P2RY8: variants seen among roughly 807,000 people sequenced by gnomAD.
P2RY8 encodes the protein P2Y receptor family member 8, also known as S-geranylgeranyl-glutathione receptor P2RY8.
Under a neutral mutation model 10.0 loss-of-function variants are expected in P2RY8, and 6 were observed. That is an observed-to-expected ratio of 0.60 (90% CI 0.33 to 1.19). The LOEUF (loss-of-function observed/expected upper bound fraction) is 1.19. P2RY8 is among the 50% of genes most tolerant of loss of function. The probability of loss-of-function intolerance (pLI) is 0.04; values close to 1 mark genes in which losing one functional copy is unlikely to be tolerated. For synonymous variants in P2RY8, 276 were observed against 252.5 expected, an observed-to-expected ratio of 1.09 and a Z score of -0.88; for missense variants, 456 against 542.0, an observed-to-expected ratio of 0.84 and a Z score of 1.58.
chrX:1,483,481 A>G (rs2091957610), intron 1 of P2RY8, among the ~76,000 whole-genome samples: 1 of 152,028 alleles, frequency 6.6e-6, no homozygotes, highest in South Asian at 2.1e-4. Flanking sequence ...CTAAAAATAC[A>G]AAATTAGCCA....
chrX:1,462,665 C>G lies in P2RY8; in HGVS notation c.*2814G>C, dbSNP rs2091599424. On this transcript the variant is annotated 3_prime_UTR_variant, in exon 2 of 2. Transcript: ENST00000381297. The stretch of plus-strand genomic sequence containing the variant: ...TTCTCACTGTGTTGCCTAGGTTGGC[C>G]CTTGAACACCCGGACTCAATCAGTC... 1 of 232,728 alleles carries G rather than the reference C, an allele frequency of 4.3e-6. No individual in the cohort carries two copies. 14.4% of individuals were successfully genotyped at this position (232,728 alleles called of 1,614,324 possible).
rs2091678147 is a variant in P2RY8, at chrX:1,466,465, G to A, written c.94C>T (p.Leu32=). 6.2e-7 allele frequency: 1 copy of A among 1,612,280 alleles called. No homozygotes were observed. Among genetic ancestry groups the A allele is most frequent in the Non-Finnish European group, 8.5e-7 (1 of 1,179,822 alleles). The part of the protein sequence containing the change: ...IAVALPVVYS[L]VAAVSIPGNL... ...CCCGGGATGCTGACCGCCGCCACCA[G>A]CGAGTACACCACGGGCAGGGCCACC... Residue 32 remains leucine, a synonymous_variant, in exon 2 of 2, where the codon CTG becomes TTG. Transcript: ENST00000381297.
Position 1,466,555 on chromosome X carries a change from G to T in P2RY8, c.4C>A (p.Gln2Lys). 1 of 1,604,220 alleles carries T rather than the reference G, an allele frequency of 6.2e-7. No individual in the cohort carries two copies. M[Q>K]VPNSTGPDNA... ...TCCGGGCCGGTGCTGTTCGGGACCT[G>T]CATCCTGGAGGGGTCCTCGCCCGGG... Residue 2 changes from glutamine to lysine, a missense_variant, in exon 2 of 2, where the codon CAG becomes AAG. Physicochemically the swap from Gln to Lys is moderately conservative, Grantham distance 53. Coordinates refer to ENST00000381297, the MANE Select transcript of P2RY8 (RefSeq NM_178129.5).
intron 1 of P2RY8, among the ~76,000 whole-genome samples, chrX:1,467,565 C>T (rs1260933177): frequency 6.6e-6 from 1 of 152,316 alleles, no homozygotes; most frequent in Non-Finnish European, 1.5e-5. Context: ...GAAGGAGAGA[C>T]GCTTTATCCA....
chrX:1,532,592 G>A (rs112582772), intron 1 of P2RY8, among the ~76,000 whole-genome samples: 10,770 of 151,662 alleles, frequency 0.071, 521 homozygotes, highest in Non-Finnish European at 0.11. Context: ...ATTTGGAGTG[G>A]CCTGGATGAG....
Position 1,465,411 on chromosome X carries a change from G to C in P2RY8, c.*68C>G. On this transcript the variant is annotated 3_prime_UTR_variant, in exon 2 of 2. Transcript: ENST00000381297. The stretch of plus-strand genomic sequence containing the variant: ...CTGTTCTCCCTGAACCTCTGGCACC[G>C]TGGCCTCTCCATGCGCCCCTGGATC... 6.5e-7 allele frequency: 1 copy of C among 1,527,970 alleles called. No individual in the cohort carries two copies. The highest frequency in any genetic ancestry group is 2.3e-5 in the East Asian group (1 of 44,334). 94.7% of individuals were successfully genotyped at this position (1,527,970 alleles called of 1,614,324 possible). A position where few individuals can be genotyped will look rare whatever the true frequency, so the allele number is the denominator to read the frequency against.
At chrX:1,514,806 T>TTCCTTC (rs2092331603) in intron 1 of P2RY8, among the ~76,000 whole-genome samples, 2 of 44,476 alleles carry the variant, frequency 4.5e-5, no homozygotes, top group Non-Finnish European at 8.9e-5. Flanking sequence ...TCCCTTCCCT[T>TTCCTTC]CCTTTCCTTT....
At chrX:1,493,308 G>C (rs2092073370) in intron 1 of P2RY8, among the ~76,000 whole-genome samples, 2 of 71,636 alleles carry the variant, frequency 2.8e-5, no homozygotes, top group Non-Finnish European at 5.3e-5. Context: ...GAGGAGAAGA[G>C]AGGACAGGAG....
intron 1 of P2RY8, among the ~76,000 whole-genome samples, chrX:1,516,394 C>A (rs2092349557): frequency 6.6e-6 from 1 of 152,030 alleles, no homozygotes; most frequent in Non-Finnish European, 1.5e-5. Context: ...GAGGAACCAG[C>A]CCTGCCCACA....
At chrX:1,516,216 C>CAA (rs112983650) in intron 1 of P2RY8, among the ~76,000 whole-genome samples, 41,212 of 144,322 alleles carry the variant, frequency 0.29, 6,378 homozygotes, top group Middle Eastern at 0.43. Flanking sequence ...AAAACAACAA[C>CAA]AAAAAAAAAA....
At chrX:1,498,389 G>C (rs1450973279) in intron 1 of P2RY8, among the ~76,000 whole-genome samples, 1 of 125,348 alleles carries the variant, frequency 8.0e-6, no homozygotes, top group Non-Finnish European at 1.6e-5. Context: ...CTGGGCGACA[G>C]AGCGAGACTC....
chrX:1,509,373 A>ATTCT (rs2092273230), intron 1 of P2RY8, among the ~76,000 whole-genome samples: 3 of 129,244 alleles, frequency 2.3e-5, no homozygotes, highest in African/African-American at 5.9e-5. Context: ...CCATCCATCT[A>ATTCT]TTCTATCTAT....
intron 1 of P2RY8, among the ~76,000 whole-genome samples, chrX:1,519,730 C>T (rs2092377256): frequency 6.6e-6 from 1 of 151,066 alleles, no homozygotes; most frequent in South Asian, 2.1e-4. Flanking sequence ...CAATCATCTC[C>T]CTGGTCCCCA....
intron 1 of P2RY8, among the ~76,000 whole-genome samples, chrX:1,521,036 T>C (rs1472112736): frequency 5.3e-4 from 74 of 138,514 alleles, no homozygotes; most frequent in Admixed American, 1.5e-3. Flanking sequence ...TTTCTTTTCT[T>C]TTTTTTTTTT....
chrX:1,478,191 A>G (rs760267604), intron 1 of P2RY8, among the ~76,000 whole-genome samples: 1 of 151,340 alleles, frequency 6.6e-6, no homozygotes, highest in African/African-American at 2.4e-5. Context: ...AATCCTAAGC[A>G]TTTCTCTGTA....
rs1413191910 is a variant in P2RY8 at position 1,463,097 on chromosome X, C to T, written c.*2382G>A. 7.4e-4 allele frequency: 173 copies of T among 233,156 alleles called. No individual in the cohort carries two copies. Among genetic ancestry groups the T allele is most frequent in the Non-Finnish European group, 1.2e-3 (138 of 118,020 alleles). The allele number at this position is 233,156 out of a possible 1,614,324, so 14.4% of individuals were successfully genotyped here. On this transcript the variant is annotated 3_prime_UTR_variant, in exon 2 of 2. Coordinates refer to ENST00000381297, the MANE Select transcript of P2RY8 (RefSeq NM_178129.5). ...CTCGGCTTCCTCTGACTCAAGCTCT[C>T]ATTTTTGTTTACAAGGCAGTTTAGG...
intron 1 of P2RY8, among the ~76,000 whole-genome samples, chrX:1,523,499 A>G (rs2092407715): frequency 6.6e-6 from 1 of 152,076 alleles, no homozygotes; most frequent in South Asian, 2.1e-4. Context: ...AGGCTGAAAA[A>G]TATTGCAGAT....
chrX:1,532,058 G>C (rs1231073045), intron 1 of P2RY8, among the ~76,000 whole-genome samples: 13 of 152,166 alleles, frequency 8.5e-5, no homozygotes, highest in Admixed American at 7.9e-4. Flanking sequence ...CCACTGCTGG[G>C]TATCTAGGTA....
chrX:1,533,400 T>G (rs1395557283), intron 1 of P2RY8, among the ~76,000 whole-genome samples: 1 of 146,176 alleles, frequency 6.8e-6, no homozygotes, highest in Non-Finnish European at 1.5e-5. Context: ...TATTTATGTA[T>G]TTTTTATTAT....
Sources: allele counts gnomAD v4.1 joint callset (sites outside exome capture counted in the v4.1 genomes callset), GRCh38; gene constraint gnomAD v4.1.1; transcripts MANE v1.5; gene names NCBI Gene and HGNC (gene_info 2026-07-23, HGNC 2026-07-21).